Variants in SYT16 observed in about 807,000 individuals in gnomAD.
The protein encoded by SYT16 is synaptotagmin-16.
In SYT16, 42 loss-of-function variants were observed where a neutral mutation model predicts 61.4. The ratio of observed to expected loss-of-function variants is 0.68; its 90% CI spans 0.53 to 0.89. The LOEUF (loss-of-function observed/expected upper bound fraction) is 0.89, where lower values mean the gene tolerates loss of function less well. Among genes scored for constraint, SYT16 ranks in the 40% least tolerant of loss-of-function variants. SYT16 has a pLI of 0.00. For synonymous variants in SYT16, 314 were observed against 302.3 expected (o/e 1.04, Z -0.40); for missense variants, 804 against 807.3 (o/e 1.00, Z 0.05).
At chr14:62,021,611 G>A (rs1172424862) in intron 3 of SYT16, among the ~76,000 whole-genome samples, 1 of 152,034 alleles carries the variant, frequency 6.6e-6, no homozygotes. Flanking sequence ...AGATGGACAA[G>A]AATCTGTGTA....
Position 61,884,642 on chromosome 14 carries a change from C to T in SYT16, c.-325+71832C>T, listed in dbSNP as rs538331333. 3.9e-5 allele frequency among the ~76,000 whole-genome samples: 6 copies of T among 152,282 alleles called. No homozygotes were observed. In the South Asian group the frequency reaches 6.2e-4, roughly 16 times the overall value. ...GTTTTTAAATTCGAGAGCAACAAGG[C>T]GTGACTACTTTCCTGTTTCCAAAAT... On this transcript the variant is annotated intron_variant, in intron 1 of 7. Coordinates refer to ENST00000683842, the MANE Select transcript of SYT16 (RefSeq NM_001367656.1).
At chr14:62,085,412 A>C (rs2056852103) in intron 7 of SYT16, among the ~76,000 whole-genome samples, 1 of 152,114 alleles carries the variant, frequency 6.6e-6, no homozygotes, top group African/African-American at 2.4e-5. Context: ...ACTAGAAGGG[A>C]GTAGAGTAGA....
chr14:61,978,186 G>A (rs1191687596), intron 2 of SYT16, among the ~76,000 whole-genome samples: 1 of 152,162 alleles, frequency 6.6e-6, no homozygotes, highest in Non-Finnish European at 1.5e-5. Flanking sequence ...CAGGGATTAG[G>A]ACATGGACAT....
chr14:62,037,249 T>C (rs1209089455), intron 3 of SYT16, among the ~76,000 whole-genome samples: 1 of 152,130 alleles, frequency 6.6e-6, no homozygotes, highest in African/African-American at 2.4e-5. Flanking sequence ...CAAGGTCTTG[T>C]AGTTTTTTAG....
chr14:62,104,250 T>C lies in SYT16; in HGVS notation c.*3543T>C, dbSNP rs2057474125. 1 of 152,178 alleles carries C rather than the reference T, an allele frequency of 6.6e-6. No homozygotes were observed. 9.4% of individuals were successfully genotyped at this position (152,178 alleles called of 1,614,324 possible). The stretch of plus-strand genomic sequence containing the variant: ...AAAAACAGAAAAGTAAGTAGGAAAG[T>C]ATTATTTGTAAATGTCATAAAACCA... On this transcript the variant is annotated 3_prime_UTR_variant, in exon 8 of 8. Coordinates refer to ENST00000683842, the MANE Select transcript of SYT16 (RefSeq NM_001367656.1).
At chr14:62,056,491 T>C (rs1187332614) in intron 3 of SYT16, among the ~76,000 whole-genome samples, 1 of 152,208 alleles carries the variant, frequency 6.6e-6, no homozygotes, top group African/African-American at 2.4e-5. Context: ...TCTGGTGCTA[T>C]AAAACTCCGT....
At chr14:61,916,463 G>A (rs1322254495) in intron 1 of SYT16, among the ~76,000 whole-genome samples, 2 of 151,758 alleles carry the variant, frequency 1.3e-5, no homozygotes, top group African/African-American at 2.4e-5. Flanking sequence ...TTTTATTGAC[G>A]AGTAATAGTT....
chr14:61,961,057 C>G (rs935370693), intron 1 of SYT16, among the ~76,000 whole-genome samples: 2 of 152,156 alleles, frequency 1.3e-5, no homozygotes, highest in Non-Finnish European at 2.9e-5. Flanking sequence ...GGATAACTGG[C>G]TAGCCATGTG....
intron 6 of SYT16, 45 bp from the exon 7 acceptor site, chr14:62,084,151 A>G: frequency 6.3e-7 from 1 of 1,578,326 alleles, no homozygotes; most frequent in Non-Finnish European, 8.6e-7. Flanking sequence ...AAAAGAGAGT[A>G]GTGCAGCGTG....
intron 1 of SYT16, among the ~76,000 whole-genome samples, chr14:61,930,271 C>T (rs2049711840): frequency 6.6e-6 from 1 of 152,106 alleles, no homozygotes; most frequent in South Asian, 2.1e-4. Context: ...TCCCTCCAGA[C>T]CACCTGTTCA....
intron 3 of SYT16, among the ~76,000 whole-genome samples, chr14:62,016,109 T>G (rs1271493338): frequency 6.6e-6 from 1 of 152,164 alleles, no homozygotes; most frequent in East Asian, 1.9e-4. Context: ...TCTCTTGATG[T>G]GTTCTGGCAA....
At chr14:62,028,326 C>A (rs4462520) in intron 3 of SYT16, among the ~76,000 whole-genome samples, 7 of 152,036 alleles carry the variant, frequency 4.6e-5, no homozygotes, top group African/African-American at 1.7e-4. Context: ...GCTTACTGTA[C>A]GAGTTCTAAA....
chr14:62,064,496 A>C (rs1372202641), intron 3 of SYT16, among the ~76,000 whole-genome samples: 3 of 152,158 alleles, frequency 2.0e-5, no homozygotes, highest in Admixed American at 6.5e-5. Flanking sequence ...TCTGTGTGAA[A>C]TAGAGGGAAT....
In SYT16 at chr14:61,982,137, A is replaced by G. The variant is rs553875000; in HGVS notation, c.-145+11826A>G. 1.2e-3 allele frequency among the ~76,000 whole-genome samples: 183 copies of G among 152,272 alleles called. 1 individual carries two copies. Among genetic ancestry groups the G allele is most frequent in the African/African-American group, 4.2e-3 (174 of 41,558 alleles). ...AGCTCTGGAGCCATTCTATGTTTGA[A>G]ATAGTCATAGCATGGAATTTTATGA... is the stretch of plus-strand genomic sequence containing the variant. On this transcript the variant is annotated intron_variant, in intron 2 of 7. Transcript: ENST00000683842.
intron 4 of SYT16, among the ~76,000 whole-genome samples, chr14:62,073,471 C>T (rs2056373138): frequency 6.6e-6 from 1 of 152,120 alleles, no homozygotes; most frequent in South Asian, 2.1e-4. Context: ...CTTGTTCTGT[C>T]ATTTTGTGTG....
chr14:61,831,678 A>C (rs1415177477), intron 1 of SYT16, among the ~76,000 whole-genome samples: 1 of 147,862 alleles, frequency 6.8e-6, no homozygotes, highest in East Asian at 2.0e-4. Context: ...CCTTCTCCAC[A>C]CCTTGTCTCT....
At chr14:61,865,223 C>A in intron 1 of SYT16, 1 of 1,049,518 alleles carries the variant, frequency 9.5e-7, no homozygotes, top group Non-Finnish European at 1.5e-6. Flanking sequence ...TTCTGGGGCA[C>A]CCCATCTGTT....
At chr14:61,821,389 A>T (rs1300734303) in intron 1 of SYT16, among the ~76,000 whole-genome samples, 1 of 152,154 alleles carries the variant, frequency 6.6e-6, no homozygotes, top group Non-Finnish European at 1.5e-5. Context: ...CTAGTGGCTT[A>T]AAAAAACACT....
chr14:62,079,337 C>T, intron 5 of SYT16: 1 of 1,184,824 alleles, frequency 8.4e-7, no homozygotes, highest in Admixed American at 3.3e-5. Flanking sequence ...AATTTTCTTG[C>T]AGGCTAATTT....
Sources: allele counts gnomAD v4.1 joint callset (sites outside exome capture counted in the v4.1 genomes callset), GRCh38; gene constraint gnomAD v4.1.1; transcripts MANE v1.5; gene names NCBI Gene and HGNC (gene_info 2026-07-23, HGNC 2026-07-21).